CDH6: variants seen among roughly 807,000 people sequenced by gnomAD.
CDH6 encodes the protein cadherin-6.
CDH6 carries 31 observed loss-of-function variants against 78.0 expected under a neutral mutation model. That is an observed-to-expected ratio of 0.40 (90% confidence interval 0.30 to 0.54). CDH6 has a LOEUF of 0.54. Ranked by LOEUF, CDH6 falls within the 20% of genes least tolerant of loss-of-function variation. The pLI is 0.56. For synonymous variants in CDH6, 376 were observed against 368.8 expected (o/e 1.02, Z -0.23); for missense variants, 724 against 975.9 (o/e 0.74, Z 3.44).
intron 1 of CDH6, among the ~76,000 whole-genome samples, chr5:31,196,945 G>A (rs1740184151): frequency 1.3e-5 from 2 of 151,918 alleles, no homozygotes; most frequent in South Asian, 2.1e-4. Context: ...TCTACATGAA[G>A]AGCGCCGCCG....
intron 1 of CDH6, among the ~76,000 whole-genome samples, chr5:31,242,010 T>C (rs552001996): frequency 8.9e-4 from 135 of 152,312 alleles, no homozygotes; most frequent in Non-Finnish European, 1.5e-3. Context: ...TTATTTCCCC[T>C]TGATAATCAG....
chr5:31,295,284 GC>G (rs1275237981), intron 3 of CDH6, among the ~76,000 whole-genome samples: 1 of 152,042 alleles, frequency 6.6e-6, no homozygotes, highest in East Asian at 1.9e-4. Flanking sequence ...CTTCTTCACT[GC>G]TTATAGCAGC....
At chr5:31,318,560 A>C in intron 11 of CDH6, 1 of 229,674 alleles carries the variant, frequency 4.4e-6, no homozygotes, top group Admixed American at 5.6e-5. Context: ...TGAATGTAAT[A>C]AAAATGGAAA....
intron 1 of CDH6, among the ~76,000 whole-genome samples, chr5:31,238,565 C>T (rs918603270): frequency 3.3e-5 from 5 of 151,932 alleles, no homozygotes; most frequent in African/African-American, 1.2e-4. Context: ...GCAATTATGG[C>T]AGTAAGAAAG....
intron 1 of CDH6, among the ~76,000 whole-genome samples, chr5:31,241,601 G>C (rs185355285): frequency 1.1e-3 from 172 of 152,358 alleles, no homozygotes; most frequent in African/African-American, 4.1e-3. Flanking sequence ...TCCTTGGTCA[G>C]ATGATGATGA....
chr5:31,323,336 G>C lies in CDH6; in HGVS notation c.*28G>C. ...TGTTGCCTTTTTCATTTTCCAATAC[G>C]ACACTGAAATATGTGAAGTGGCTAT... On this transcript the variant is annotated 3_prime_UTR_variant, in exon 12 of 12. Transcript: ENST00000265071. 6.3e-7 allele frequency: 1 copy of C among 1,587,682 alleles called. No individual in the cohort carries two copies. Among genetic ancestry groups the C allele is most frequent in the Non-Finnish European group, 8.6e-7 (1 of 1,162,916 alleles).
chr5:31,283,247 G>A (rs1046310325), intron 2 of CDH6, among the ~76,000 whole-genome samples: 3 of 152,184 alleles, frequency 2.0e-5, no homozygotes, highest in Non-Finnish European at 2.9e-5. Flanking sequence ...CAATAGAGCA[G>A]AGACTGAAAA....
Position 31,324,564 on chromosome 5 carries a change from A to G in CDH6, c.*1256A>G, listed in dbSNP as rs1185030536. ...CAAAAGTGTTTAAGATTGTAATTAA[A>G]ATGATAGTTGATTTTCAAAAGCATT... On this transcript the variant is annotated 3_prime_UTR_variant, in exon 12 of 12. Transcript: ENST00000265071. The G allele has an allele frequency of 4.7e-6, 1 of 212,106 alleles. No individual in the cohort carries two copies. The highest frequency in any genetic ancestry group is 9.5e-6 in the Non-Finnish European group (1 of 104,994). The allele number at this position is 212,106 out of a possible 1,614,324, so 13.1% of individuals were successfully genotyped here.
intron 1 of CDH6, among the ~76,000 whole-genome samples, chr5:31,212,694 G>A (rs749373151): frequency 6.6e-6 from 1 of 152,002 alleles, no homozygotes; most frequent in Non-Finnish European, 1.5e-5. Context: ...TGTCCACGGG[G>A]TAACGACTGG....
chr5:31,207,281 A>C (rs2111792627), intron 1 of CDH6, among the ~76,000 whole-genome samples: 1 of 152,296 alleles, frequency 6.6e-6, no homozygotes, highest in South Asian at 2.1e-4. Flanking sequence ...TAGTCATGAA[A>C]TCTATTGGGA....
At chr5:31,246,899 G>A (rs1741763963) in intron 1 of CDH6, among the ~76,000 whole-genome samples, 1 of 152,074 alleles carries the variant, frequency 6.6e-6, no homozygotes, top group African/African-American at 2.4e-5. Flanking sequence ...ACTGGCAGGT[G>A]CCACTATGCT....
intron 2 of CDH6, among the ~76,000 whole-genome samples, chr5:31,288,012 T>C (rs1743057444): frequency 6.6e-6 from 1 of 152,218 alleles, no homozygotes; most frequent in Non-Finnish European, 1.5e-5. Context: ...ACTTTGTGGC[T>C]TGCCATCCCC....
chr5:31,289,929 C>G (rs534908773), intron 2 of CDH6, among the ~76,000 whole-genome samples: 1 of 152,096 alleles, frequency 6.6e-6, no homozygotes, highest in East Asian at 1.9e-4. Flanking sequence ...ACATCTACAA[C>G]CAAAATCCCT....
At chr5:31,256,737 T>C (rs1449041161) in intron 1 of CDH6, among the ~76,000 whole-genome samples, 3 of 152,172 alleles carry the variant, frequency 2.0e-5, no homozygotes, top group African/African-American at 4.8e-5. Flanking sequence ...GAAGAGGAAA[T>C]TGGAACACAT....
At chr5:31,246,797 C>A (rs1443919641) in intron 1 of CDH6, among the ~76,000 whole-genome samples, 1 of 152,168 alleles carries the variant, frequency 6.6e-6, no homozygotes, top group Admixed American at 6.5e-5. Flanking sequence ...GCTCTGCCAC[C>A]CAGGCTGGAG....
chr5:31,302,940 A>AAAGAAAGAAAG (rs1737855132), intron 6 of CDH6, among the ~76,000 whole-genome samples: 1 of 131,390 alleles, frequency 7.6e-6, no homozygotes, highest in African/African-American at 2.5e-5. Flanking sequence ...AGAAAGAAAG[A>AAAGAAAGAAAG]AAGAAAGAAA....
chr5:31,300,454 A>C (rs1737735222), intron 5 of CDH6, among the ~76,000 whole-genome samples: 1 of 152,184 alleles, frequency 6.6e-6, no homozygotes, highest in African/African-American at 2.4e-5. Context: ...AATAGGAAGT[A>C]GTTTTATTTT....
intron 1 of CDH6, among the ~76,000 whole-genome samples, chr5:31,197,467 C>T (rs1206408708): frequency 1.3e-5 from 2 of 152,180 alleles, no homozygotes; most frequent in Admixed American, 1.3e-4. Flanking sequence ...GTCTGAATTG[C>T]ATTCTTAACA....
chr5:31,324,937 T>C lies in CDH6; in HGVS notation c.*1629T>C. 1 of 200,916 alleles carries C rather than the reference T, an allele frequency of 5.0e-6. No homozygotes were observed. Among genetic ancestry groups the C allele is most frequent in the Non-Finnish European group, 1.0e-5 (1 of 97,692 alleles). The allele number at this position is 200,916 out of a possible 1,614,324, so 12.4% of individuals were successfully genotyped here. Reference sequence around the variant, plus strand: ...GACAGGCTCTGTATATATATATACTTAAGAATATGCTGACTTCACTTATTA... The same window carrying C: ...GACAGGCTCTGTATATATATATACTCAAGAATATGCTGACTTCACTTATTA... On this transcript the variant is annotated 3_prime_UTR_variant, in exon 12 of 12. Coordinates refer to ENST00000265071, the MANE Select transcript of CDH6 (RefSeq NM_004932.4).
Sources: allele counts gnomAD v4.1 joint callset (sites outside exome capture counted in the v4.1 genomes callset), GRCh38; gene constraint gnomAD v4.1.1; transcripts MANE v1.5; gene names NCBI Gene and HGNC (gene_info 2026-07-23, HGNC 2026-07-21).